The following DHDH variants were observed in gnomAD, a reference collection of about 807,000 sequenced individuals.
DHDH encodes dihydrodiol dehydrogenase, also known as trans-1,2-dihydrobenzene-1,2-diol dehydrogenase.
In DHDH, 29 loss-of-function variants were observed where a neutral mutation model predicts 33.2. The ratio of observed to expected loss-of-function variants is 0.87; its 90% confidence interval spans 0.65 to 1.19. The LOEUF is 1.19. DHDH is among the 50% of genes most tolerant of loss of function. DHDH has a pLI of 0.00. For synonymous variants in DHDH, 201 were observed against 187.9 expected, an observed-to-expected ratio of 1.07 and a Z score of -0.57; for missense variants, 431 against 455.0, an observed-to-expected ratio of 0.95 and a Z score of 0.48.
chr19:48,934,495 T>C (rs2037744794), intron 1 of DHDH, among the ~76,000 whole-genome samples: 1 of 151,926 alleles, frequency 6.6e-6, no homozygotes, highest in Non-Finnish European at 1.5e-5. Flanking sequence ...ACTGTCTCAG[T>C]GTAAAGCGGA....
At chr19:48,934,914 T>C (rs2037750101) in intron 1 of DHDH, 86 bp from the exon 2 acceptor site, 25 of 1,106,610 alleles carry the variant, frequency 2.3e-5, no homozygotes, top group East Asian at 9.2e-5. Context: ...CCCCTTCCCC[T>C]GGCCAGAGCC....
At chr19:48,941,994 G>A (rs1285491249) in intron 4 of DHDH, among the ~76,000 whole-genome samples, 2 of 147,012 alleles carry the variant, frequency 1.4e-5, no homozygotes, top group Non-Finnish European at 3.0e-5. Flanking sequence ...TCGTGTGTGT[G>A]TGTGTGTGTG....
At chr19:48,939,140 T>C (rs911312236) in intron 3 of DHDH, among the ~76,000 whole-genome samples, 3 of 151,384 alleles carry the variant, frequency 2.0e-5, no homozygotes, top group African/African-American at 7.3e-5. Context: ...ATGGTCCAGA[T>C]GAAAAAGAAC....
intron 5 of DHDH, among the ~76,000 whole-genome samples, chr19:48,943,055 C>CAAA (rs5828370): frequency 7.1e-6 from 1 of 140,840 alleles, no homozygotes; most frequent in African/African-American, 2.7e-5. Flanking sequence ...AACTCCATCT[C>CAAA]AAAAAAAAAA....
At chr19:48,934,564 A>G (rs1314490416) in intron 1 of DHDH, among the ~76,000 whole-genome samples, 1 of 152,154 alleles carries the variant, frequency 6.6e-6, no homozygotes, top group Non-Finnish European at 1.5e-5. Flanking sequence ...TGGAGGCGAG[A>G]TATGCTGGCA....
At chr19:48,944,595 A>G (rs1227230158) in intron 6 of DHDH, 88 bp downstream of exon 6, 3 of 1,520,312 alleles carry the variant, frequency 2.0e-6, no homozygotes, top group Non-Finnish European at 2.7e-6. Context: ...GCTGTTTAGA[A>G]CTACATCTCC....
rs759727317 is a variant in DHDH at position 48,933,716 on chromosome 19, G to A, written c.-6G>A. On this transcript the variant is annotated 5_prime_UTR_variant, in exon 1 of 7. Coordinates refer to ENST00000221403, the MANE Select transcript of DHDH (RefSeq NM_014475.4). ...CCGAAGGTGCCGAGGGCTCCGCATC[G>A]CAACCATGGCGCTGCGCTGGGGCAT... 1 of 1,613,186 alleles carries A rather than the reference G, an allele frequency of 6.2e-7. No homozygotes were observed. The highest frequency in any genetic ancestry group is 1.7e-5 in the Admixed American group (1 of 60,026).
At chr19:48,935,817 A>G (rs1216243436) in intron 2 of DHDH, among the ~76,000 whole-genome samples, 1 of 150,232 alleles carries the variant, frequency 6.7e-6, no homozygotes, top group African/African-American at 2.5e-5. Context: ...CTCCGCCTCC[A>G]AAAAAAAAAT....
At chr19:48,942,252 C>T (rs1201812089) in intron 4 of DHDH, among the ~76,000 whole-genome samples, 188 bp from the exon 5 acceptor site, 2 of 152,008 alleles carry the variant, frequency 1.3e-5, no homozygotes, top group African/African-American at 4.8e-5. Context: ...GATCTGCCCA[C>T]CTCAGCCTCC....
chr19:48,936,712 A>G (rs1237575540), intron 3 of DHDH, among the ~76,000 whole-genome samples: 3 of 127,498 alleles, frequency 2.4e-5, no homozygotes, highest in African/African-American at 8.9e-5. Flanking sequence ...GAAAAAAAAC[A>G]AACAAAAAAA....
intron 5 of DHDH, among the ~76,000 whole-genome samples, chr19:48,944,132 TG>T (rs67144298): frequency 0.024 from 3,582 of 152,294 alleles, 149 homozygotes; most frequent in African/African-American, 0.081. Flanking sequence ...GGTTTGCTCC[TG>T]GGGAGACAGA....
chr19:48,944,197 A>G (rs1041103698), intron 5 of DHDH, among the ~76,000 whole-genome samples, 160 bp from the exon 6 acceptor site: 2 of 152,108 alleles, frequency 1.3e-5, no homozygotes, highest in African/African-American at 4.8e-5. Flanking sequence ...TAGCAACTAG[A>G]AATGAAGGAG....
intron 2 of DHDH, among the ~76,000 whole-genome samples, chr19:48,935,404 C>T (rs1442617714): frequency 1.3e-5 from 2 of 152,154 alleles, no homozygotes; most frequent in Non-Finnish European, 2.9e-5. Flanking sequence ...ACCTGTAATC[C>T]CAGCTACTGG....
chr19:48,936,046 GGCACCCA>G lies in DHDH; in HGVS notation c.224_230del (p.Gln75ProfsTer7), dbSNP rs768607941. On this transcript the variant is annotated frameshift_variant, in exon 3 of 7. Coordinates refer to ENST00000221403, the MANE Select transcript of DHDH (RefSeq NM_014475.4). LOFTEE classifies it high-confidence loss of function. ...TCCCACCCTAGAGGTGGCCTACATT[GGCACCCA>G]GCACCCCCAGCACAAGGCGGCGGTG... The G allele has an allele frequency of 2.1e-5, 33 of 1,603,854 alleles. No individual in the cohort carries two copies. Among genetic ancestry groups the G allele is most frequent in the Non-Finnish European group, 2.5e-5 (29 of 1,176,318 alleles).
At chr19:48,944,736 A>T (rs2037916840) in intron 6 of DHDH, 88 bp from the exon 7 acceptor site, 1 of 1,306,250 alleles carries the variant, frequency 7.7e-7, no homozygotes, top group African/African-American at 1.5e-5. Context: ...AACCATGTAT[A>T]TTGTGCCACA....
chr19:48,941,458 T>G (rs1178872665), intron 4 of DHDH, among the ~76,000 whole-genome samples: 1 of 152,134 alleles, frequency 6.6e-6, no homozygotes, highest in Non-Finnish European at 1.5e-5. Flanking sequence ...CTTGGCACAC[T>G]GCAGCGTCAA....
At chr19:48,943,982 G>A (rs1453359180) in intron 5 of DHDH, among the ~76,000 whole-genome samples, 1 of 151,658 alleles carries the variant, frequency 6.6e-6, no homozygotes, top group Non-Finnish European at 1.5e-5. Flanking sequence ...GCGACAGAGC[G>A]AGACTCCATC....
Position 48,944,849 on chromosome 19 carries a change from C to T in DHDH, c.921C>T (p.Pro307=). The change falls in exon 7 of 7, where the codon CCC becomes CCT. Residue 307 remains proline (P), a synonymous_variant. Transcript: ENST00000221403. ...RKGMKESPVI[P]LSESELLADI... ...GTATGAAGGAAAGTCCTGTGATTCC[C>T]CTGTCGGAAAGTGAGCTCCTGGCTG... 6.2e-7 allele frequency: 1 copy of T among 1,613,788 alleles called. No individual in the cohort carries two copies. Among genetic ancestry groups the T allele is most frequent in the Non-Finnish European group, 8.5e-7 (1 of 1,180,016 alleles).
intron 5 of DHDH, 102 bp downstream of exon 5, chr19:48,942,666 A>G (rs2037882079): frequency 2.0e-6 from 3 of 1,491,242 alleles, no homozygotes; most frequent in Non-Finnish European, 2.7e-6. Flanking sequence ...CCAATTTCAC[A>G]TCATTGCTAA....
Sources: allele counts gnomAD v4.1 joint callset (sites outside exome capture counted in the v4.1 genomes callset), GRCh38; gene constraint gnomAD v4.1.1; transcripts MANE v1.5; gene names NCBI Gene and HGNC (gene_info 2026-07-23, HGNC 2026-07-21).